The following CILP variants were observed in gnomAD, a reference collection of about 807,000 sequenced individuals.
CILP encodes cartilage intermediate layer protein 1.
In CILP, 75 loss-of-function variants were observed where a neutral mutation model predicts 82.5. The ratio of observed to expected loss-of-function variants is 0.91; its 90% CI spans 0.75 to 1.10. The LOEUF is 1.10. Among genes scored for constraint, CILP ranks in the 50% least tolerant of loss-of-function variants. The pLI is 0.00. For synonymous variants in CILP, 530 were observed against 580.3 expected (o/e 0.91, Z 1.25); for missense variants, 1,479 against 1,530.8 (o/e 0.97, Z 0.56).
rs10634666 is a variant in CILP at position 65,202,834 on chromosome 15, C to CTTTT, written c.1028+524_1028+527dup. ...CCAGAGATGCTCCAGGGGACCACAG[C>CTTTT]TTTTTTTTTTTTTTTTTTTGAGACA... On this transcript the variant is annotated intron_variant, in intron 7 of 8. Coordinates refer to ENST00000261883, the MANE Select transcript of CILP (RefSeq NM_003613.4). Among the ~76,000 whole-genome samples the CTTTT allele has an allele frequency of 3.0e-4, 35 of 117,548 alleles. 1 individual carries two copies. Among genetic ancestry groups the CTTTT allele is most frequent in the African/African-American group, 4.0e-4 (12 of 29,808 alleles). The allele number at this position is 117,548 out of a possible 152,430, so 77.1% of individuals were successfully genotyped here. A position where few individuals can be genotyped will look rare whatever the true frequency, so the allele number is the denominator to read the frequency against.
Position 65,196,400 on chromosome 15 carries a change from G to T in CILP, c.*331C>A, listed in dbSNP as rs568700503. The T allele has an allele frequency of 8.5e-4, 199 of 234,776 alleles. 1 individual carries two copies. Among genetic ancestry groups the T allele is most frequent in the African/African-American group, 4.1e-3 (184 of 44,472 alleles). 14.5% of individuals were successfully genotyped at this position (234,776 alleles called of 1,614,324 possible). ...TCTTCAGCATCAGATTATCACTATT[G>T]CAGAGGTGGGCAAAACCATGCAAAA... On this transcript the variant is annotated 3_prime_UTR_variant, in exon 9 of 9. Transcript: ENST00000261883.
At position 65,206,845 on chromosome 15, in the gene CILP, T is replaced by A; in HGVS notation, c.361A>T (p.Asn121Tyr). 1.9e-6 allele frequency: 3 copies of A among 1,614,026 alleles called. No individual in the cohort carries two copies. The highest frequency in any genetic ancestry group is 2.5e-6 in the Non-Finnish European group (3 of 1,179,984). The change falls in exon 4 of 9, where the codon AAC (asparagine) becomes TAC (tyrosine). Residue 121 changes from asparagine (N) to tyrosine (Y), a missense_variant. Physicochemically the swap from Asn to Tyr is moderately radical, Grantham distance 143. Coordinates refer to ENST00000261883, the MANE Select transcript of CILP (RefSeq NM_003613.4). ...TTCTGGCCAGGCCGCTGCTCCCTGTTGAGGCACCAGAAACCCTCACGGGGA... is the reference window on the plus strand; with the variant it reads ...TTCTGGCCAGGCCGCTGCTCCCTGTAGAGGCACCAGAAACCCTCACGGGGA... The part of the protein sequence containing the change: ...GSPREGFWCL[N>Y]REQRPGQNCS...
rs753180995 is a variant in CILP at position 65,198,583 on chromosome 15, AT to A, written c.1702del (p.Ile568SerfsTer50). ...GGGCTTTTTCCGACGAAGCATCTTGATTTCATGGAACACGGCACTCCCCTTC... is the reference window on the plus strand; with the variant it reads ...GGGCTTTTTCCGACGAAGCATCTTGATTCATGGAACACGGCACTCCCCTTC... ...NKKGSAVFHEIKMLRRKKPIT... is the reference protein window; with the variant it reads ...NKKGSAVFHEXKMLRRKKPIT... On this transcript the variant is annotated frameshift_variant, in exon 9 of 9. Transcript: ENST00000261883. LOFTEE classifies it high-confidence loss of function. 35 of 1,614,090 alleles carry A rather than the reference AT, an allele frequency of 2.2e-5. No homozygotes were observed. In the Admixed American group the frequency reaches 4.3e-4, roughly 20 times the overall value.
Position 65,199,089 on chromosome 15 carries a change from C to A in CILP, c.1197G>T (p.Glu399Asp), listed in dbSNP as rs1473157143. ...TCTCAGGAACTGGGTTGCAAGGAGT[C>A]TCATCAGATGCTGTGTAGGGAAATG... ...VAQLIVIASD[E>D]TPCNPVPESY... The change falls in exon 9 of 9, where the codon GAG becomes GAT. Residue 399 changes from glutamate (E) to aspartate (D), a missense_variant. Physicochemically the swap from Glu to Asp is conservative, Grantham distance 45. Coordinates refer to ENST00000261883, the MANE Select transcript of CILP (RefSeq NM_003613.4). The A allele has an allele frequency of 1.3e-6, 2 of 1,590,288 alleles. No individual in the cohort carries two copies. Among genetic ancestry groups the A allele is most frequent in the South Asian group, 1.1e-5 (1 of 89,442 alleles).
At position 65,206,967 on chromosome 15, in the gene CILP, T is replaced by C; in HGVS notation, c.239A>G (p.Tyr80Cys). Residue 80 changes from tyrosine (Y) to cysteine (C), a missense_variant, in exon 4 of 9, where the codon TAC becomes TGC. Transcript: ENST00000261883. ...ACGGGCACATACACGGTCCCCATAG[T>C]AGAAGCGAATGGCGTCCAGCCGCTC... ...DYERLDAIRF[Y>C]YGDRVCARPL... 1 of 1,613,998 alleles carries C rather than the reference T, an allele frequency of 6.2e-7. No homozygotes were observed. The highest frequency in any genetic ancestry group is 1.7e-4 in the Middle Eastern group (1 of 6,050).
chr15:65,204,139 C>A, intron 6 of CILP, 129 bp downstream of exon 6: 1 of 754,112 alleles, frequency 1.3e-6, no homozygotes, highest in South Asian at 1.8e-5. Flanking sequence ...TAATATAGTG[C>A]CATGTGGGCC....
chr15:65,204,531 C>A lies in CILP; in HGVS notation c.656G>T (p.Cys219Phe). 1 of 1,613,232 alleles carries A rather than the reference C, an allele frequency of 6.2e-7. No homozygotes were observed. Among genetic ancestry groups the A allele is most frequent in the African/African-American group, 1.3e-5 (1 of 75,028 alleles). Residue 219 changes from cysteine to phenylalanine, a missense_variant, in exon 6 of 9, where the codon TGC (cysteine) becomes TTC (phenylalanine). By Grantham distance (205) the Cys-to-Phe change is radical. Transcript: ENST00000261883. Reference sequence around the variant, plus strand: ...ATGAAGCATGAAGTCCTGGCACATGCAGGCATCACAGTCAGCATTCACCTG... The same window carrying A: ...ATGAAGCATGAAGTCCTGGCACATGAAGGCATCACAGTCAGCATTCACCTG... ...MGQVNADCDACMCQDFMLHGA... is the reference protein window; with the variant it reads ...MGQVNADCDAFMCQDFMLHGA...
At position 65,198,188 on chromosome 15, in the gene CILP, A is replaced by G. The variant is rs1297721137; in HGVS notation, c.2098T>C (p.Ser700Pro). The G allele has an allele frequency of 6.2e-7, 1 of 1,614,206 alleles. No homozygotes were observed. The highest frequency in any genetic ancestry group is 1.1e-5 in the South Asian group (1 of 91,086). ...CACAGCCCTGTGTCTGGATTGAGTG[A>G]CCAGAGTTTCACTGTGGATATGTGC... ...PEHISTVKLW[S>P]LNPDTGLWEE... The change falls in exon 9 of 9, where the codon TCA becomes CCA. Residue 700 changes from serine (S) to proline (P), a missense_variant. By Grantham distance (74) the Ser-to-Pro change is moderately conservative. Coordinates refer to ENST00000261883, the MANE Select transcript of CILP (RefSeq NM_003613.4).
In CILP at chr15:65,198,340, C is replaced by T; in HGVS notation, c.1946G>A (p.Gly649Glu). 1.2e-6 allele frequency: 2 copies of T among 1,614,202 alleles called. No individual in the cohort carries two copies. Among genetic ancestry groups the T allele is most frequent in the Non-Finnish European group, 1.7e-6 (2 of 1,180,042 alleles). ...ATACGTCCGAAGGGGGAAAGTGTCTCCTTCGTCATTGATGAAGTTCAGGTC... is the reference window on the plus strand; with the variant it reads ...ATACGTCCGAAGGGGGAAAGTGTCTTCTTCGTCATTGATGAAGTTCAGGTC... ...QTDLNFINDE[G>E]DTFPLRTYGM... Residue 649 changes from glycine (G) to glutamate (E), a missense_variant, in exon 9 of 9, where the codon GGA (glycine) becomes GAA (glutamate). Physicochemically the swap from Gly to Glu is moderately conservative, Grantham distance 98. Coordinates refer to ENST00000261883, the MANE Select transcript of CILP (RefSeq NM_003613.4).
At chr15:65,207,093 T>C (rs779122819) in intron 3 of CILP, 42 bp from the exon 4 acceptor site, 10 of 1,584,520 alleles carry the variant, frequency 6.3e-6, no homozygotes, top group Non-Finnish European at 8.6e-6. Flanking sequence ...GTGATCCTGG[T>C]GCGCTCCAGT....
chr15:65,205,404 C>T lies in CILP; in HGVS notation c.487G>A (p.Ala163Thr), dbSNP rs776174559. The stretch of plus-strand genomic sequence containing the variant: ...TGGACCCCAGTCTGACCACAGGCAG[C>T]TGAGCACTTGCTCCAGGGAGACCAT... ...SPWSPWSKCS[A>T]ACGQTGVQTR... The change falls in exon 5 of 9, where the codon GCT (alanine) becomes ACT (threonine). Residue 163 changes from alanine to threonine, a missense_variant. Coordinates refer to ENST00000261883, the MANE Select transcript of CILP (RefSeq NM_003613.4). The T allele has an allele frequency of 1.9e-6, 3 of 1,613,982 alleles. No homozygotes were observed. Among genetic ancestry groups the T allele is most frequent in the African/African-American group, 2.7e-5 (2 of 74,938 alleles).
rs2088403291 is a variant in CILP, at chr15:65,198,326, G to A, written c.1960C>T (p.Leu654Phe). 6.2e-7 allele frequency: 1 copy of A among 1,614,104 alleles called. No individual in the cohort carries two copies. Among genetic ancestry groups the A allele is most frequent in the South Asian group, 1.1e-5 (1 of 91,086 alleles). The change falls in exon 9 of 9, where the codon CTT (leucine) becomes TTT (phenylalanine). Residue 654 changes from leucine (L) to phenylalanine (F), a missense_variant. By Grantham distance (22) the Leu-to-Phe change is conservative (BLOSUM62 0). Transcript: ENST00000261883. ...FINDEGDTFP[L>F]RTYGMFSVDF... ...ACAGAGAACATGCCATACGTCCGAA[G>A]GGGGAAAGTGTCTCCTTCGTCATTG...
Position 65,196,556 on chromosome 15 carries a change from TG to T in CILP, c.*174del. 2 of 515,690 alleles carry T rather than the reference TG, an allele frequency of 3.9e-6. No homozygotes were observed. The highest frequency in any genetic ancestry group is 4.6e-5 in the South Asian group (1 of 21,684). The allele number at this position is 515,690 out of a possible 1,614,324, so 31.9% of individuals were successfully genotyped here. On this transcript the variant is annotated 3_prime_UTR_variant, in exon 9 of 9. Coordinates refer to ENST00000261883, the MANE Select transcript of CILP (RefSeq NM_003613.4). ...ACAAAGGGGCTTTATTGTGCCATTGTGGGGGCCACGTGCCAATCAGTAGCAT... is the reference window on the plus strand; with the variant it reads ...ACAAAGGGGCTTTATTGTGCCATTGTGGGGCCACGTGCCAATCAGTAGCAT...
chr15:65,208,834 G>A (rs567159080), intron 2 of CILP, among the ~76,000 whole-genome samples: 1 of 152,212 alleles, frequency 6.6e-6, no homozygotes, highest in East Asian at 1.9e-4. Flanking sequence ...AACCTAATCT[G>A]ATTTCCCCTC....
chr15:65,197,907 C>A lies in CILP; in HGVS notation c.2379G>T (p.Trp793Cys), dbSNP rs2088393337. The A allele has an allele frequency of 1.2e-6, 2 of 1,613,984 alleles. No homozygotes were observed. The highest frequency in any genetic ancestry group is 2.2e-5 in the South Asian group (2 of 91,084). Residue 793 changes from tryptophan (W) to cysteine (C), a missense_variant, in exon 9 of 9, where the codon TGG becomes TGT. Transcript: ENST00000261883. ...RTGFLSNPRAWGRFDSVITGP... is the reference protein window; with the variant it reads ...RTGFLSNPRACGRFDSVITGP... Reference sequence around the variant, plus strand: ...CTGTGATGACACTGTCAAAGCGGCCCCAGGCCCTAGGGTTGGACAAGAAGC... The same window carrying A: ...CTGTGATGACACTGTCAAAGCGGCCACAGGCCCTAGGGTTGGACAAGAAGC...
intron 6 of CILP, among the ~76,000 whole-genome samples, 168 bp downstream of exon 6, chr15:65,204,097 AGAG>A: frequency 6.8e-6 from 1 of 147,744 alleles, no homozygotes; most frequent in Non-Finnish European, 1.5e-5. Context: ...GAGTAACAGG[AGAG>A]GAGAGCAGAG....
At chr15:65,207,836 AAC>A in intron 2 of CILP, 72 bp from the exon 3 acceptor site, 1 of 1,330,308 alleles carries the variant, frequency 7.5e-7, no homozygotes. Flanking sequence ...GATGCAGGGA[AAC>A]AGTGTGAGGT....
In CILP at chr15:65,195,783, A is replaced by G. The variant is rs985861653; in HGVS notation, c.*948T>C. 1.3e-5 allele frequency: 2 copies of G among 152,224 alleles called. No homozygotes were observed. Among genetic ancestry groups the G allele is most frequent in the Non-Finnish European group, 2.9e-5 (2 of 68,042 alleles). The allele number at this position is 152,224 out of a possible 1,614,324, so 9.4% of individuals were successfully genotyped here. A position where few individuals can be genotyped will look rare whatever the true frequency, so the allele number is the denominator to read the frequency against. On this transcript the variant is annotated 3_prime_UTR_variant, in exon 9 of 9. Transcript: ENST00000261883. ...GGACGTGTTTTTAGTCTTGCTCAGG[A>G]GCCCAGAACATGCTCACAACTCCAG...
chr15:65,200,519 CCT>C (rs2088436278), intron 8 of CILP, among the ~76,000 whole-genome samples: 1 of 152,076 alleles, frequency 6.6e-6, no homozygotes, highest in Non-Finnish European at 1.5e-5. Flanking sequence ...AAGACAGGCC[CCT>C]GATTGGTCTT....
Sources: gnomAD v4.1 joint callset for allele counts (sites outside exome capture counted in the v4.1 genomes callset) on GRCh38, gnomAD v4.1.1 for gene constraint, MANE v1.5 for transcripts, NCBI Gene and HGNC (gene_info 2026-07-23, HGNC 2026-07-21) for gene names.